Variants in CELF2 observed in about 807,000 individuals in gnomAD.
CELF2 encodes CUGBP Elav-like family member 2.
Under a neutral mutation model 62.6 loss-of-function variants are expected in CELF2, and 8 were observed. That is an observed-to-expected ratio of 0.13 (90% CI 0.07 to 0.23). The LOEUF (loss-of-function observed/expected upper bound fraction) is 0.23. Among genes scored for constraint, CELF2 ranks in the 10% least tolerant of loss-of-function variants. CELF2 has a pLI of 1.00. For missense variants in CELF2, 333 were observed against 671.0 expected (o/e 0.50, Z 5.56); for synonymous variants, 258 against 250.0 (o/e 1.03, Z -0.30).
chr10:11,230,930 G>A (rs1436215564), intron 3 of CELF2, among the ~76,000 whole-genome samples: 6 of 152,192 alleles, frequency 3.9e-5, no homozygotes, highest in Non-Finnish European at 5.9e-5. Flanking sequence ...TCACGGACTC[G>A]AAATTCGTTA....
chr10:10,819,445 T>C (rs976838380), intron 1 of CELF2, among the ~76,000 whole-genome samples: 1 of 152,152 alleles, frequency 6.6e-6, no homozygotes, highest in Admixed American at 6.5e-5. Context: ...TTTGCCAGGG[T>C]TACCAATGCC....
At chr10:11,274,491 C>T (rs1159448322) in intron 7 of CELF2, among the ~76,000 whole-genome samples, 1 of 152,236 alleles carries the variant, frequency 6.6e-6, no homozygotes, top group Non-Finnish European at 1.5e-5. Flanking sequence ...TTTTGACAAG[C>T]TGTATGTTTC....
At chr10:10,789,322 C>G in the CELF2 span, among the ~76,000 whole-genome samples, 1 of 152,216 alleles carries the variant, frequency 6.6e-6, no homozygotes, top group Non-Finnish European at 1.5e-5. Context: ...TCCACCAAAA[C>G]ATGTTTTTGA....
chr10:10,905,884 GA>G (rs542102265), intron 1 of CELF2, among the ~76,000 whole-genome samples: 144 of 99,694 alleles, frequency 1.4e-3, no homozygotes, highest in South Asian at 0.011. Context: ...TCTCAAAAAA[GA>G]AAAAAAAAAA....
At chr10:10,714,028 C>A in the CELF2 span, among the ~76,000 whole-genome samples, 2 of 151,546 alleles carry the variant, frequency 1.3e-5, no homozygotes, top group Non-Finnish European at 2.9e-5. Flanking sequence ...GAGTGAGAAT[C>A]CATCTCAAAA....
the CELF2 span, among the ~76,000 whole-genome samples, chr10:10,769,256 G>A: frequency 5.3e-5 from 8 of 152,254 alleles, no homozygotes; most frequent in African/African-American, 1.9e-4. Flanking sequence ...TCGCATCCAA[G>A]TTCTCCTGTC....
In CELF2 at chr10:11,226,745, G is replaced by A. The variant is rs188246977; in HGVS notation, c.354+9238G>A. Among the ~76,000 whole-genome samples, 11 of 152,288 alleles carry A rather than the reference G, an allele frequency of 7.2e-5. No individual in the cohort carries two copies. In the South Asian group the frequency reaches 8.3e-4, roughly 11 times the overall value. On this transcript the variant is annotated intron_variant, in intron 3 of 12. Coordinates refer to ENST00000633077, the MANE Select transcript of CELF2 (RefSeq NM_001326342.2). ...GCACAGGTCCTGAAAAACATTCAGCGAGCGAGGCAAGGTATTTGCTAGAGA... is the reference window on the plus strand; with the variant it reads ...GCACAGGTCCTGAAAAACATTCAGCAAGCGAGGCAAGGTATTTGCTAGAGA...
chr10:10,966,837 G>T (rs1329895259), intron 2 of CELF2: 1 of 152,188 alleles, frequency 6.6e-6, no homozygotes, highest in Non-Finnish European at 1.5e-5. Context: ...TGTGAGGTAA[G>T]GGACAGGTGA....
the CELF2 span, among the ~76,000 whole-genome samples, chr10:10,627,251 C>G: frequency 1.3e-5 from 2 of 152,156 alleles, no homozygotes. Context: ...AACAGATATA[C>G]CTTCAAGAGG....
At position 11,012,341 on chromosome 10, in the gene CELF2, A is replaced by G. The variant is rs1483645526; in HGVS notation, c.53+6901A>G. On this transcript the variant is annotated intron_variant, in intron 1 of 12. Transcript: ENST00000416382. This position sits in a 1 kb window ranked among gnomAD's most constrained non-coding sequence, Gnocchi z 5.5. ...CAAGTAGATTCATTTGCTTTATTTT[A>G]ACAGAAACCAAAGCTTTGGCTCTCT... 6.6e-6 allele frequency among the ~76,000 whole-genome samples: 1 copy of G among 152,208 alleles called. No individual in the cohort carries two copies. The highest frequency in any genetic ancestry group is 1.9e-4 in the East Asian group (1 of 5,198).
the CELF2 span, among the ~76,000 whole-genome samples, chr10:10,528,950 C>T: frequency 6.6e-6 from 1 of 152,144 alleles, no homozygotes; most frequent in Non-Finnish European, 1.5e-5. Context: ...TTTATTTCCG[C>T]TATGTAAAAA....
chr10:11,294,003 T>A (rs2092852672), intron 9 of CELF2, among the ~76,000 whole-genome samples: 3 of 152,206 alleles, frequency 2.0e-5, no homozygotes, highest in African/African-American at 7.2e-5. Context: ...ACCTGCAATT[T>A]GGTTTCACCT....
At position 11,332,767 on chromosome 10, in the gene CELF2, C is replaced by G. The variant is rs562709642; in HGVS notation, c.*3714C>G. ...GCAAAAAAACAAAAAGCAACACAAA[C>G]GTTTCCTTCTTATAGCACATGCACT... On this transcript the variant is annotated 3_prime_UTR_variant, in exon 13 of 13. Coordinates refer to ENST00000633077, the MANE Select transcript of CELF2 (RefSeq NM_001326342.2). 6.5e-6 allele frequency: 1 copy of G among 152,702 alleles called. No homozygotes were observed. Among genetic ancestry groups the G allele is most frequent in the Non-Finnish European group, 1.5e-5 (1 of 68,090 alleles). 9.5% of individuals were successfully genotyped at this position (152,702 alleles called of 1,614,324 possible). A position where few individuals can be genotyped will look rare whatever the true frequency, so the allele number is the denominator to read the frequency against.
At chr10:10,867,477 G>A (rs1048752147) in intron 1 of CELF2, among the ~76,000 whole-genome samples, 11 of 152,204 alleles carry the variant, frequency 7.2e-5, no homozygotes, top group Non-Finnish European at 1.6e-4. Context: ...ATAATATTCT[G>A]TTTTTGGAGC....
At chr10:11,057,235 C>T (rs892803561) in intron 1 of CELF2, among the ~76,000 whole-genome samples, 1 of 148,756 alleles carries the variant, frequency 6.7e-6, no homozygotes, top group African/African-American at 2.5e-5. Context: ...GTGGGTCATA[C>T]GAGGTGCGCC....
chr10:11,084,988 G>GAT (rs2141601578), intron 1 of CELF2, among the ~76,000 whole-genome samples: 1 of 152,196 alleles, frequency 6.6e-6, no homozygotes, highest in Non-Finnish European at 1.5e-5. Context: ...TTTTTCAAAG[G>GAT]CTTTGGTTTC....
intron 2 of CELF2, chr10:11,171,132 T>G (rs1356765829): frequency 6.6e-6 from 1 of 152,210 alleles, no homozygotes; most frequent in African/African-American, 2.4e-5. Context: ...AAAAACTTCC[T>G]TTTTTCTTGC....
the CELF2 span, among the ~76,000 whole-genome samples, chr10:10,599,979 C>T: frequency 3.9e-5 from 6 of 152,316 alleles, no homozygotes; most frequent in African/African-American, 1.4e-4. Flanking sequence ...GATCCACCCA[C>T]CTCAGCCTCC....
At chr10:10,878,667 G>T (rs558239653) in intron 1 of CELF2, among the ~76,000 whole-genome samples, 1 of 152,330 alleles carries the variant, frequency 6.6e-6, no homozygotes, top group South Asian at 2.1e-4. Flanking sequence ...ATCTTAGTGA[G>T]TGGAGGGTTT....
Sources: allele counts gnomAD v4.1 joint callset (sites outside exome capture counted in the v4.1 genomes callset), GRCh38; gene constraint gnomAD v4.1.1; non-coding constraint Gnocchi (gnomAD v3.1); transcripts MANE v1.5; gene names NCBI Gene and HGNC (gene_info 2026-07-23, HGNC 2026-07-21).